Variants in MAP7D2 observed in about 807,000 individuals in gnomAD.
The protein encoded by MAP7D2 is MAP7 domain containing 2.
A neutral mutation model predicts 63.5 loss-of-function variants in MAP7D2; 33 were observed. The observed-to-expected ratio is 0.52, with a 90% CI of 0.39 to 0.70. MAP7D2 has a LOEUF of 0.70. Among genes scored for constraint, MAP7D2 ranks in the 30% least tolerant of loss-of-function variants. The pLI, the probability that MAP7D2 is intolerant of heterozygous loss-of-function variation, is 0.00. For synonymous variants in MAP7D2, 224 were observed against 223.7 expected (o/e 1.00, Z -0.01); for missense variants, 626 against 604.0 (o/e 1.04, Z -0.38).
chrX:20,069,239 G>C (rs1298933958), intron 1 of MAP7D2, among the ~76,000 whole-genome samples: 1 of 111,319 alleles, frequency 9.0e-6, no homozygotes, highest in African/African-American at 3.3e-5. Context: ...ATATCACTCT[G>C]TTGGTTGCCC....
intron 1 of MAP7D2, among the ~76,000 whole-genome samples, chrX:20,103,526 C>A (rs2066491565): frequency 8.9e-6 from 1 of 111,875 alleles, no homozygotes; most frequent in Admixed American, 9.5e-5. Context: ...AAAGCCTGTA[C>A]AGGAGAAACC....
intron 8 of MAP7D2, among the ~76,000 whole-genome samples, chrX:20,038,704 G>A (rs756817859): frequency 2.4e-4 from 27 of 111,360 alleles, no homozygotes; most frequent in Non-Finnish European, 4.7e-4. Flanking sequence ...TAGTTCCAGA[G>A]GGAGGAATGC....
intron 6 of MAP7D2, among the ~76,000 whole-genome samples, chrX:20,046,061 A>C (rs1416759302): frequency 8.9e-6 from 1 of 112,116 alleles, no homozygotes; most frequent in Non-Finnish European, 1.9e-5. Context: ...AACCAGAACA[A>C]GTCTCTGTAG....
At chrX:20,101,801 A>T (rs1410068537) in intron 1 of MAP7D2, among the ~76,000 whole-genome samples, 1 of 112,511 alleles carries the variant, frequency 8.9e-6, no homozygotes, top group Admixed American at 9.4e-5. Flanking sequence ...ACAAAAAGAG[A>T]CACAAAGAAG....
At chrX:20,062,489 A>G (rs1444411450) in intron 3 of MAP7D2, among the ~76,000 whole-genome samples, 1 of 111,567 alleles carries the variant, frequency 9.0e-6, no homozygotes, top group Non-Finnish European at 1.9e-5. Context: ...TTTAAAAAAA[A>G]AAGAAGGAAG....
chrX:20,036,247 T>C (rs2074226963), intron 8 of MAP7D2, among the ~76,000 whole-genome samples: 1 of 109,608 alleles, frequency 9.1e-6, no homozygotes. Flanking sequence ...AGGCAATTTA[T>C]TTTATTTTTT....
At chrX:20,116,720 C>G in intron 1 of MAP7D2, 30 bp downstream of exon 1, 1 of 1,138,744 alleles carries the variant, frequency 8.8e-7, no homozygotes. Flanking sequence ...CCGAAGCCCT[C>G]GGGCGCCCGC....
In MAP7D2 at chrX:20,064,597, C is replaced by T. The variant is rs950683283; in HGVS notation, c.208+131G>A. The T allele has an allele frequency of 1.7e-5, 9 of 517,415 alleles. 1 individual carries two copies. The highest frequency in any genetic ancestry group is 1.4e-4 in the East Asian group (4 of 27,631). 42.6% of individuals were successfully genotyped at this position (517,415 alleles called of 1,213,427 possible). ...ACATGCCAGTTGCAGTGTAGGTTCA[C>T]GCCTGATTCTTCATGTTCATCTAGC... On this transcript the variant is annotated intron_variant, in intron 2 of 16. Coordinates refer to ENST00000379643, the MANE Select transcript of MAP7D2 (RefSeq NM_001168465.2).
intron 1 of MAP7D2, among the ~76,000 whole-genome samples, chrX:20,080,040 T>G (rs1013589298): frequency 6.3e-5 from 7 of 111,634 alleles, no homozygotes; most frequent in African/African-American, 1.6e-4. Flanking sequence ...CACCATGATA[T>G]GAAAGCTTAG....
intron 4 of MAP7D2, chrX:20,055,889 G>A (rs1338424709): frequency 3.4e-6 from 2 of 586,245 alleles, no homozygotes; most frequent in Non-Finnish European, 4.8e-6. Flanking sequence ...CCAATTTCTT[G>A]TTGCTTCTTA....
At chrX:20,010,156 CAG>C (rs1358316550) in intron 16 of MAP7D2, among the ~76,000 whole-genome samples, 1 of 112,105 alleles carries the variant, frequency 8.9e-6, no homozygotes. Context: ...TACCTTACTA[CAG>C]AGTGTATATA....
chrX:20,080,618 A>C (rs2148446669), intron 1 of MAP7D2, among the ~76,000 whole-genome samples: 1 of 110,309 alleles, frequency 9.1e-6, no homozygotes, highest in African/African-American at 3.3e-5. Context: ...ATGCAGACAA[A>C]ATGACCCTTG....
intron 12 of MAP7D2, among the ~76,000 whole-genome samples, chrX:20,014,964 G>A (rs1004857231): frequency 1.8e-5 from 2 of 111,303 alleles, no homozygotes; most frequent in East Asian, 2.8e-4. Context: ...TGATCCTCCC[G>A]CCTCTGCCTC....
At chrX:20,021,077 C>G in intron 10 of MAP7D2, among the ~76,000 whole-genome samples, 1 of 112,281 alleles carries the variant, frequency 8.9e-6, no homozygotes, top group Non-Finnish European at 1.9e-5. Context: ...ATTAAGATCT[C>G]CTGCTTACTA....
chrX:20,096,429 C>CAAAA (rs775218484), intron 1 of MAP7D2, among the ~76,000 whole-genome samples: 1 of 40,107 alleles, frequency 2.5e-5, no homozygotes, highest in Non-Finnish European at 4.6e-5. Context: ...GACCTTGTCT[C>CAAAA]AAAAAAAAAA....
intron 1 of MAP7D2, among the ~76,000 whole-genome samples, chrX:20,111,544 T>C (rs1345063111): frequency 1.8e-5 from 2 of 111,526 alleles, no homozygotes; most frequent in East Asian, 5.6e-4. Context: ...GGCTGAAGAC[T>C]GTCCCGGCAG....
chrX:20,012,632 T>G (rs1416708904), intron 14 of MAP7D2, 97 bp from the exon 15 acceptor site: 1 of 688,549 alleles, frequency 1.5e-6, no homozygotes, highest in East Asian at 3.3e-5. Context: ...ATGCTCTGCT[T>G]CACTGATACT....
chrX:20,116,512 C>G, intron 1 of MAP7D2: 1 of 871,725 alleles, frequency 1.1e-6, no homozygotes, highest in South Asian at 5.7e-5. Flanking sequence ...TAAGCCACCC[C>G]CCATGTGTAC....
chrX:20,095,476 C>G (rs964056077), intron 1 of MAP7D2, among the ~76,000 whole-genome samples: 3 of 111,186 alleles, frequency 2.7e-5, no homozygotes, highest in Non-Finnish European at 5.7e-5. Flanking sequence ...GAATGTGAGG[C>G]TACAGTGAGC....
Sources: allele counts gnomAD v4.1 joint callset (sites outside exome capture counted in the v4.1 genomes callset), GRCh38; gene constraint gnomAD v4.1.1; transcripts MANE v1.5; gene names NCBI Gene and HGNC (gene_info 2026-07-23, HGNC 2026-07-21).